CDHR2: variants seen among roughly 807,000 people sequenced by gnomAD.
CDHR2 encodes cadherin related family member 2, also known as cadherin-related family member 2.
A neutral mutation model predicts 138.6 loss-of-function variants in CDHR2; 104 were observed. The ratio of observed to expected loss-of-function variants is 0.75; its 90% CI spans 0.64 to 0.88. CDHR2 has a LOEUF of 0.88. Ranked by LOEUF, CDHR2 falls within the 40% of genes least tolerant of loss-of-function variation. The pLI is 0.00. For synonymous variants in CDHR2, 755 were observed against 742.8 expected (o/e 1.02, Z -0.27); for missense variants, 1,624 against 1,727.6 (o/e 0.94, Z 1.06).
At chr5:176,572,086 G>T (rs1225823189) in intron 6 of CDHR2, among the ~76,000 whole-genome samples, 1 of 151,940 alleles carries the variant, frequency 6.6e-6, no homozygotes, top group South Asian at 2.1e-4. Flanking sequence ...CTCATGTGGT[G>T]ATAAAAGTAC....
At position 176,589,160 on chromosome 5, in the gene CDHR2, G is replaced by A. The variant is rs201059035; in HGVS notation, c.2986G>A (p.Asp996Asn). Reference sequence around the variant, plus strand: ...CTCGATCTTCACCTCCTCCGAGGCCGACGTGTTCGCTGGGAGCATTCAGTA... The same window carrying A: ...CTCGATCTTCACCTCCTCCGAGGCCAACGTGTTCGCTGGGAGCATTCAGTA... Reference protein sequence around the residue: ...VFSIFTSSEADVFAGSIQPVT... With the variant: ...VFSIFTSSEANVFAGSIQPVT... The change falls in exon 22 of 32, where the codon GAC becomes AAC. Residue 996 changes from aspartate to asparagine, a missense_variant. By Grantham distance (23) the Asp-to-Asn change is conservative. Transcript: ENST00000261944. 1.8e-5 allele frequency: 29 copies of A among 1,614,042 alleles called. No individual in the cohort carries two copies. The African/African-American group carries it at 2.1e-4, about 12-fold the overall frequency.
intron 21 of CDHR2, 145 bp from the exon 22 acceptor site, chr5:176,588,879 TGAAACCA>T: frequency 1.3e-6 from 1 of 771,198 alleles, no homozygotes; most frequent in Non-Finnish European, 2.1e-6. Flanking sequence ...CACTGTTTTT[TGAAACCA>T]TTTGCTTATT....
intron 7 of CDHR2, among the ~76,000 whole-genome samples, 155 bp downstream of exon 7, chr5:176,574,327 C>A (rs560378014): frequency 2.0e-5 from 3 of 152,314 alleles, no homozygotes; most frequent in Admixed American, 6.5e-5. Context: ...AGCCCCCCTC[C>A]CCGGAAACCT....
chr5:176,584,927 C>A lies in CDHR2; in HGVS notation c.2646C>A (p.Ile882=). The change falls in exon 19 of 32, where the codon ATC becomes ATA. Residue 882 remains isoleucine (I), a synonymous_variant. Coordinates refer to ENST00000261944, the MANE Select transcript of CDHR2 (RefSeq NM_017675.6). ...GSVYINQSKA[I]DYEACDLVTL... ...TGTACATCAACCAGAGCAAAGCCAT[C>A]GACTACGAGGCCTGTGACCTGGTCA... 6.2e-7 allele frequency: 1 copy of A among 1,601,780 alleles called. No individual in the cohort carries two copies. Among genetic ancestry groups the A allele is most frequent in the Non-Finnish European group, 8.5e-7 (1 of 1,173,870 alleles).
At chr5:176,559,883 A>G (rs944569001) in intron 1 of CDHR2, among the ~76,000 whole-genome samples, 2 of 152,114 alleles carry the variant, frequency 1.3e-5, no homozygotes, top group African/African-American at 2.4e-5. Context: ...TCTAGTGGGT[A>G]GAGGACAGAG....
intron 1 of CDHR2, among the ~76,000 whole-genome samples, chr5:176,560,265 C>T (rs6556272): frequency 0.31 from 47,590 of 151,722 alleles, 8,264 homozygotes; most frequent in East Asian, 0.5. Flanking sequence ...GGCGTGGTGG[C>T]GCACCCTGTA....
In CDHR2 at chr5:176,576,278, G is replaced by T; in HGVS notation, c.1194+93G>T. 1 of 971,946 alleles carries T rather than the reference G, an allele frequency of 1.0e-6. No homozygotes were observed. Among genetic ancestry groups the T allele is most frequent in the South Asian group, 1.5e-5 (1 of 65,516 alleles). 60.2% of individuals were successfully genotyped at this position (971,946 alleles called of 1,614,324 possible). ...ACGGTGTCATGTGGTGCTGGGTGGC[G>T]GTGCTGGTGGTGCAGGGTGTGATGG... On this transcript the variant is annotated intron_variant, in intron 12 of 31. Coordinates refer to ENST00000261944, the MANE Select transcript of CDHR2 (RefSeq NM_017675.6). The surrounding 1 kb of genome is among the most constrained non-coding windows in gnomAD (Gnocchi z 4.5).
At chr5:176,550,475 A>G (rs1343192395) in intron 1 of CDHR2, among the ~76,000 whole-genome samples, 1 of 152,158 alleles carries the variant, frequency 6.6e-6, no homozygotes, top group Non-Finnish European at 1.5e-5. Context: ...TCCTGGATCA[A>G]CGGAGCCCAG....
chr5:176,595,746 GA>G lies in CDHR2; in HGVS notation c.*78del. 1 of 1,360,110 alleles carries G rather than the reference GA, an allele frequency of 7.4e-7. No individual in the cohort carries two copies. The highest frequency in any genetic ancestry group is 9.8e-7 in the Non-Finnish European group (1 of 1,024,326). 84.3% of individuals were successfully genotyped at this position (1,360,110 alleles called of 1,614,324 possible). A position where few individuals can be genotyped will look rare whatever the true frequency, so the allele number is the denominator to read the frequency against. On this transcript the variant is annotated 3_prime_UTR_variant, in exon 32 of 32. Transcript: ENST00000261944. ...TAACTGCACCTGTCTCCCTGGAGAT[GA>G]AAATATATGACGCTGCCCTGCCTCC...
rs778537702 is a variant in CDHR2 at position 176,584,158 on chromosome 5, T to C, written c.2059-32T>C. On this transcript the variant is annotated intron_variant, in intron 17 of 31. Coordinates refer to ENST00000261944, the MANE Select transcript of CDHR2 (RefSeq NM_017675.6). ...TGGCTCTGGGGAGGGTGAGATTGGA[T>C]CCCGGGGACTCAGACCTGTCTCTGA... 5.0e-6 allele frequency: 8 copies of C among 1,595,398 alleles called. No homozygotes were observed. The Admixed American group carries it at 1.3e-4, about 27-fold the overall frequency.
At chr5:176,589,999 T>G (rs1227086452) in intron 24 of CDHR2, 79 bp from the exon 25 acceptor site, 1 of 1,169,514 alleles carries the variant, frequency 8.6e-7, no homozygotes, top group African/African-American at 1.5e-5. Context: ...CTCATACAAT[T>G]CTTAATCCCA....
chr5:176,546,220 G>A (rs1218604828), upstream of CDHR2, among the ~76,000 whole-genome samples: 5 of 152,142 alleles, frequency 3.3e-5, no homozygotes, highest in African/African-American at 1.2e-4. Context: ...TCAGGGGCAA[G>A]AATTGTTGCA....
At chr5:176,562,881 G>C (rs1475137684) in intron 1 of CDHR2, among the ~76,000 whole-genome samples, 4 of 152,156 alleles carry the variant, frequency 2.6e-5, no homozygotes, top group Non-Finnish European at 4.4e-5. Context: ...CGCTCACTTG[G>C]GGTGGCAACT....
Position 176,581,469 on chromosome 5 carries a change from G to T in CDHR2, c.1945G>T (p.Asp649Tyr). 1.2e-6 allele frequency: 2 copies of T among 1,614,140 alleles called. No homozygotes were observed. The highest frequency in any genetic ancestry group is 1.7e-6 in the Non-Finnish European group (2 of 1,180,040). Residue 649 changes from aspartate (D) to tyrosine (Y), a missense_variant, in exon 17 of 32, where the codon GAC becomes TAC. This residue lies in a region of CDHR2 where 1,061 missense variants were observed against 1,136.6 expected (regional missense o/e 0.93). Transcript: ENST00000261944. ...TGLLRNLGPL[D>Y]REAIDPALEG... ...GCTCCTCAGAAACCTGGGGCCCCTGGACAGAGAGGCCATCGACCCCGCCCT... is the reference window on the plus strand; with the variant it reads ...GCTCCTCAGAAACCTGGGGCCCCTGTACAGAGAGGCCATCGACCCCGCCCT...
chr5:176,585,958 C>A lies in CDHR2; in HGVS notation c.2739C>A (p.Ser913Arg). 3 of 1,613,350 alleles carry A rather than the reference C, an allele frequency of 1.9e-6. No homozygotes were observed. The highest frequency in any genetic ancestry group is 2.5e-6 in the Non-Finnish European group (3 of 1,179,356). ...CCAGCTGACCTTGTCTCCTAGGAAG[C>A]CTCCTCATTACCATTGAGGACGTGA... Reference protein sequence around the residue: ...PGFQAYSNNGSLLITIEDVND... With the variant: ...PGFQAYSNNGRLLITIEDVND... Residue 913 changes from serine (S) to arginine (R), a missense_variant, in exon 20 of 32, where the codon AGC becomes AGA. Transcript: ENST00000261944.
chr5:176,561,641 CT>C (rs397772792), intron 1 of CDHR2, among the ~76,000 whole-genome samples: 37 of 130,334 alleles, frequency 2.8e-4, no homozygotes, highest in African/African-American at 4.0e-4. Flanking sequence ...GAGTTGGGTT[CT>C]TTTTTTTTTT....
rs1415666557 is a variant in CDHR2, at chr5:176,589,034, A to G, written c.2860A>G (p.Arg954Gly). ...PNREVASVRARDDDSGNNGVI... is the reference protein window; with the variant it reads ...PNREVASVRAGDDDSGNNGVI... ...TATTGTCCACTCTTGCTCCCAGGCCAGAGACGATGATTCAGGGAACAATGG... is the reference window on the plus strand; with the variant it reads ...TATTGTCCACTCTTGCTCCCAGGCCGGAGACGATGATTCAGGGAACAATGG... Residue 954 changes from arginine (R) to glycine (G), a missense_variant, in exon 22 of 32, where the codon AGA becomes GGA. Arg to Gly is a moderately radical substitution (Grantham distance 125). Around this residue, in one of 3 missense-constraint regions of CDHR2, gnomAD observed 556 missense variants for 565.7 expected, o/e 0.98. Transcript: ENST00000261944. 1.2e-6 allele frequency: 2 copies of G among 1,613,986 alleles called. No homozygotes were observed. Among genetic ancestry groups the G allele is most frequent in the Admixed American group, 1.7e-5 (1 of 60,012 alleles).
rs201537485 is a variant in CDHR2, at chr5:176,584,850, G to A, written c.2569G>A (p.Asp857Asn). The A allele has an allele frequency of 1.4e-5, 23 of 1,614,206 alleles. No individual in the cohort carries two copies. Among genetic ancestry groups the A allele is most frequent in the Middle Eastern group, 1.6e-4 (1 of 6,062 alleles). Residue 857 changes from aspartate (D) to asparagine (N), a missense_variant, in exon 19 of 32, where the codon GAT becomes AAT. Around this residue, in one of 3 missense-constraint regions of CDHR2, gnomAD observed 7 missense variants for 25.4 expected, o/e 0.28. Coordinates refer to ENST00000261944, the MANE Select transcript of CDHR2 (RefSeq NM_017675.6). Reference sequence around the variant, plus strand: ...CATTCTCTGCACCAAGGCCGGGGTCGATGTGGGCAGCCTATGCTGGGGCTG... The same window carrying A: ...CATTCTCTGCACCAAGGCCGGGGTCAATGTGGGCAGCCTATGCTGGGGCTG... Reference protein sequence around the residue: ...VNILCTKAGVDVGSLCWGWFS... With the variant: ...VNILCTKAGVNVGSLCWGWFS...
chr5:176,591,115 C>T (rs1758831469), intron 28 of CDHR2, 95 bp from the exon 29 acceptor site: 1 of 808,556 alleles, frequency 1.2e-6, no homozygotes, highest in East Asian at 2.6e-5. Flanking sequence ...TAACACTCAC[C>T]TCCCGGGATC....
Sources: gnomAD v4.1 joint callset for allele counts (sites outside exome capture counted in the v4.1 genomes callset) on GRCh38, gnomAD v4.1.1 for gene constraint, gnomAD v4.1.1 regional missense constraint, Gnocchi (gnomAD v3.1) non-coding constraint, MANE v1.5 for transcripts, NCBI Gene and HGNC (gene_info 2026-07-23, HGNC 2026-07-21) for gene names.